The following TRAPPC9 variants were observed in gnomAD, a reference collection of about 807,000 sequenced individuals.
TRAPPC9 encodes the protein trafficking protein particle complex subunit 9.
Under a neutral mutation model 124.0 loss-of-function variants are expected in TRAPPC9, and 83 were observed. The observed-to-expected ratio is 0.67, with a 90% confidence interval of 0.56 to 0.80. TRAPPC9 has a LOEUF of 0.80. Ranked by LOEUF, TRAPPC9 falls within the 30% of genes least tolerant of loss-of-function variation. The pLI is 0.00. For synonymous variants in TRAPPC9, 638 were observed against 617.5 expected (o/e 1.03, Z -0.49); for missense variants, 1,302 against 1,508.3 (o/e 0.86, Z 2.27).
intron 21 of TRAPPC9, among the ~76,000 whole-genome samples, chr8:139,756,421 G>C (rs1162988422): frequency 1.5e-5 from 2 of 134,746 alleles, no homozygotes; most frequent in Non-Finnish European, 3.2e-5. Flanking sequence ...GATCACAGGA[G>C]GAGCCAGGGT....
chr8:140,316,533 T>C (rs374734591), intron 9 of TRAPPC9, among the ~76,000 whole-genome samples: 212 of 152,340 alleles, frequency 1.4e-3, no homozygotes, highest in African/African-American at 4.8e-3. Context: ...TGGTTCTTCA[T>C]TCCGTTAATG....
At chr8:139,939,355 G>A (rs1833757461) in intron 19 of TRAPPC9, among the ~76,000 whole-genome samples, 1 of 152,234 alleles carries the variant, frequency 6.6e-6, no homozygotes, top group African/African-American at 2.4e-5. Context: ...GCAGGTGCCA[G>A]CACCTGAGAG....
intron 7 of TRAPPC9, among the ~76,000 whole-genome samples, chr8:140,373,782 G>T (rs1310094916): frequency 6.6e-6 from 1 of 151,916 alleles, no homozygotes; most frequent in Non-Finnish European, 1.5e-5. Context: ...TAATGATGTT[G>T]AACCTTTTTC....
At position 140,220,388 on chromosome 8, in the gene TRAPPC9, A is replaced by G. The variant is rs561660400; in HGVS notation, c.2556+1071T>C. Among the ~76,000 whole-genome samples the G allele has an allele frequency of 2.0e-5, 3 of 152,240 alleles. No homozygotes were observed. In the South Asian group the frequency reaches 6.2e-4, roughly 32 times the overall value. On this transcript the variant is annotated intron_variant, in intron 17 of 22. Transcript: ENST00000438773. ...TCTGCTGGGAAGCTTCTCCCACACCAGTCCCCTTGGCTAACCCAAGAGCCC... is the reference window on the plus strand; with the variant it reads ...TCTGCTGGGAAGCTTCTCCCACACCGGTCCCCTTGGCTAACCCAAGAGCCC...
At chr8:140,256,939 C>T (rs1423742427) in intron 15 of TRAPPC9, among the ~76,000 whole-genome samples, 2 of 152,116 alleles carry the variant, frequency 1.3e-5, no homozygotes, top group Admixed American at 1.3e-4. Flanking sequence ...GCAAGAACAC[C>T]ACCACCAATG....
chr8:139,788,359 A>G lies in TRAPPC9; in HGVS notation c.3056-56157T>C, dbSNP rs1448593116. Among the ~76,000 whole-genome samples, 1 of 152,198 alleles carries G rather than the reference A, an allele frequency of 6.6e-6. No homozygotes were observed. Among genetic ancestry groups the G allele is most frequent in the African/African-American group, 2.4e-5 (1 of 41,460 alleles). ...TTTTCCCACAGGGAAAAGGAGTGGGAACAGGTTTCTAAAAATAGCCTGGCC... is the reference window on the plus strand; with the variant it reads ...TTTTCCCACAGGGAAAAGGAGTGGGGACAGGTTTCTAAAAATAGCCTGGCC... On this transcript the variant is annotated intron_variant, in intron 21 of 22. Transcript: ENST00000438773. The surrounding 1 kb of genome is among the most constrained non-coding windows in gnomAD (Gnocchi z 4.9).
At chr8:139,812,312 T>C (rs1425151745) in intron 21 of TRAPPC9, among the ~76,000 whole-genome samples, 2 of 152,130 alleles carry the variant, frequency 1.3e-5, no homozygotes, top group African/African-American at 2.4e-5. Context: ...ACAGTAAAAA[T>C]GAACAGAAGA....
At chr8:139,746,959 C>A (rs948475612) in intron 21 of TRAPPC9, among the ~76,000 whole-genome samples, 1 of 152,142 alleles carries the variant, frequency 6.6e-6, no homozygotes, top group Non-Finnish European at 1.5e-5. Context: ...TCTTTTTGGA[C>A]AAGCACTTTA....
chr8:139,747,553 GC>G (rs1818993848), intron 21 of TRAPPC9, among the ~76,000 whole-genome samples: 1 of 114,754 alleles, frequency 8.7e-6, no homozygotes, highest in Non-Finnish European at 1.8e-5. Flanking sequence ...GGTAGGGGGG[GC>G]GTACAGGGGT....
At position 140,275,663 on chromosome 8, in the gene TRAPPC9, G is replaced by GGTAT. The variant is rs763433129; in HGVS notation, c.2272_2273insATAC (p.Thr758AsnfsTer3). The GGTAT allele has an allele frequency of 1.3e-5, 21 of 1,613,994 alleles. No individual in the cohort carries two copies. Among genetic ancestry groups the GGTAT allele is most frequent in the Non-Finnish European group, 1.8e-5 (21 of 1,179,986 alleles). On this transcript the variant is annotated frameshift_variant, in exon 15 of 23. Transcript: ENST00000438773. LOFTEE classifies it high-confidence loss of function. ...AAGCTGCTTACAATACCTACCTTTAGTGGTGAGAACTTTCGAGGTGACCTC... is the reference window on the plus strand; with the variant it reads ...AAGCTGCTTACAATACCTACCTTTAGGTATTGGTGAGAACTTTCGAGGTGACCTC...
At chr8:139,982,023 T>C (rs747351617) in intron 19 of TRAPPC9, among the ~76,000 whole-genome samples, 4 of 152,208 alleles carry the variant, frequency 2.6e-5, no homozygotes, top group Non-Finnish European at 5.9e-5. Context: ...ACATCTATTA[T>C]CATACATTAT....
intron 17 of TRAPPC9, among the ~76,000 whole-genome samples, chr8:140,137,130 G>A (rs547123247): frequency 1.3e-5 from 2 of 152,116 alleles, no homozygotes; most frequent in Admixed American, 6.5e-5. Context: ...CAGGGCTCGG[G>A]CAATGCACAC....
chr8:140,344,989 C>G (rs2067296974), intron 9 of TRAPPC9, among the ~76,000 whole-genome samples: 1 of 152,236 alleles, frequency 6.6e-6, no homozygotes, highest in Non-Finnish European at 1.5e-5. Context: ...GCCACGACAG[C>G]GTCAAGGTTT....
At chr8:140,153,133 T>C (rs910313077) in intron 17 of TRAPPC9, among the ~76,000 whole-genome samples, 1 of 152,150 alleles carries the variant, frequency 6.6e-6, no homozygotes, top group African/African-American at 2.4e-5. Context: ...GCAAATCCAT[T>C]CTCCCCACAG....
At chr8:139,896,605 C>G (rs1464903793) in intron 20 of TRAPPC9, among the ~76,000 whole-genome samples, 1 of 152,194 alleles carries the variant, frequency 6.6e-6, no homozygotes, top group African/African-American at 2.4e-5. Flanking sequence ...CAGGCTGACC[C>G]CTGAACCCAC....
In TRAPPC9 at chr8:140,439,255, TCTGA is replaced by T. The variant is rs1030364610; in HGVS notation, c.585-62_585-59del. The T allele has an allele frequency of 7.6e-6, 12 of 1,586,396 alleles. No homozygotes were observed. The African/African-American group carries it at 8.1e-5, about 11-fold the overall frequency. ...TATACAACTCCCACCCAGAAAGCAC[TCTGA>T]CTAAGCACTATTCAATTCTCTCACT... On this transcript the variant is annotated intron_variant, in intron 2 of 22. Coordinates refer to ENST00000438773, the MANE Select transcript of TRAPPC9 (RefSeq NM_001160372.4).
rs143339258 is a variant in TRAPPC9, at chr8:140,353,962, G to A, written c.1495+6088C>T. ...TCTGACAGCGGCAGGCACAGGGCAC[G>A]GGGAGCTCCCAGAGGGGGCACTGCA... On this transcript the variant is annotated intron_variant, in intron 9 of 22. Transcript: ENST00000438773. The surrounding 1 kb of genome is among the most constrained non-coding windows in gnomAD (Gnocchi z 4.2). 1.1e-3 allele frequency among the ~76,000 whole-genome samples: 169 copies of A among 152,300 alleles called. No individual in the cohort carries two copies. Among genetic ancestry groups the A allele is most frequent in the African/African-American group, 3.4e-3 (143 of 41,556 alleles).
At chr8:139,983,163 A>C (rs1837021514) in intron 19 of TRAPPC9, among the ~76,000 whole-genome samples, 1 of 152,204 alleles carries the variant, frequency 6.6e-6, no homozygotes, top group Admixed American at 6.5e-5. Flanking sequence ...ATGTGAGGAC[A>C]CAGTGAGAAG....
In TRAPPC9 at chr8:140,371,067, C is replaced by G; in HGVS notation, c.1248G>C (p.Val416=). The change falls in exon 8 of 23, where the codon GTG becomes GTC. Residue 416 remains valine, a synonymous_variant. Coordinates refer to ENST00000438773, the MANE Select transcript of TRAPPC9 (RefSeq NM_001160372.4). The part of the protein sequence containing the change: ...FFKRVAAMQC[V]APSIAEPGWR... ...ACCCAGGCTCCGCGATGCTTGGGGC[C>G]ACGCACTGCATGGCGGCCACGCGCT... 3.1e-6 allele frequency: 5 copies of G among 1,614,258 alleles called. No individual in the cohort carries two copies. Among genetic ancestry groups the G allele is most frequent in the Non-Finnish European group, 4.2e-6 (5 of 1,180,042 alleles).
Sources: gnomAD v4.1 joint callset for allele counts (sites outside exome capture counted in the v4.1 genomes callset) on GRCh38, gnomAD v4.1.1 for gene constraint, Gnocchi (gnomAD v3.1) non-coding constraint, MANE v1.5 for transcripts, NCBI Gene and HGNC (gene_info 2026-07-23, HGNC 2026-07-21) for gene names.